The following ZNF654 variants were observed in gnomAD, a reference collection of about 807,000 sequenced individuals.
ZNF654 encodes melanoma-associated antigen.
In ZNF654, 19 loss-of-function variants were observed where a neutral mutation model predicts 95.3. The ratio of observed to expected loss-of-function variants is 0.20; its 90% CI spans 0.14 to 0.29. The LOEUF (loss-of-function observed/expected upper bound fraction) is 0.29, where lower values mean the gene tolerates loss of function less well. Ranked by LOEUF, ZNF654 falls within the 10% of genes least tolerant of loss-of-function variation. The probability of loss-of-function intolerance (pLI) is 1.00; values close to 1 mark genes in which losing one functional copy is unlikely to be tolerated. For missense variants in ZNF654, 1,046 were observed against 1,341.0 expected (o/e 0.78, Z 3.44); for synonymous variants, 413 against 457.9 (o/e 0.90, Z 1.25).
chr3:88,067,886 CT>C (rs76481798), intron 1 of ZNF654, among the ~76,000 whole-genome samples: 376 of 139,178 alleles, frequency 2.7e-3, no homozygotes, highest in Middle Eastern at 3.8e-3. Flanking sequence ...TCTTTTCTTT[CT>C]TTTTTTTTTT....
intron 2 of ZNF654, among the ~76,000 whole-genome samples, chr3:88,105,199 C>T (rs1453075512): frequency 1.3e-5 from 2 of 152,074 alleles, no homozygotes; most frequent in Admixed American, 6.6e-5. Context: ...GACAGGAATT[C>T]GGTTGATAGA....
chr3:88,092,249 AC>A (rs1703786136), intron 2 of ZNF654, among the ~76,000 whole-genome samples: 1 of 152,192 alleles, frequency 6.6e-6, no homozygotes. Flanking sequence ...TCTAACAATT[AC>A]TGCATAATTA....
intron 6 of ZNF654, among the ~76,000 whole-genome samples, chr3:88,133,224 T>G (rs1706570232): frequency 6.6e-6 from 1 of 152,104 alleles, no homozygotes; most frequent in Non-Finnish European, 1.5e-5. Context: ...GTTTTCTACC[T>G]TTGTGTTTTA....
intron 3 of ZNF654, among the ~76,000 whole-genome samples, chr3:88,117,953 AAAAAC>A (rs1705513269): frequency 6.6e-6 from 1 of 152,096 alleles, no homozygotes; most frequent in East Asian, 1.9e-4. Flanking sequence ...ATTAAAAAAA[AAAAAC>A]AACCAAGAAC....
At chr3:88,084,775 C>T (rs925004058) in intron 1 of ZNF654, among the ~76,000 whole-genome samples, 1 of 152,146 alleles carries the variant, frequency 6.6e-6, no homozygotes, top group Admixed American at 6.5e-5. Flanking sequence ...CAGCAAGCAG[C>T]GTGAGTTTCG....
intron 2 of ZNF654, among the ~76,000 whole-genome samples, chr3:88,097,714 A>G (rs1704147018): frequency 6.6e-6 from 1 of 152,210 alleles, no homozygotes; most frequent in Admixed American, 6.5e-5. Flanking sequence ...GAACTGAACA[A>G]CCGGCTCCTG....
chr3:88,110,250 A>G (rs1705007053), intron 2 of ZNF654, among the ~76,000 whole-genome samples: 2 of 152,248 alleles, frequency 1.3e-5, no homozygotes, highest in South Asian at 2.1e-4. Context: ...TAAGTAGTGG[A>G]GCTGAGATTC....
chr3:88,069,647 T>G (rs550972258), intron 1 of ZNF654, among the ~76,000 whole-genome samples: 4 of 152,336 alleles, frequency 2.6e-5, no homozygotes, highest in African/African-American at 9.6e-5. Flanking sequence ...TTCTGCTACT[T>G]AGATGGAGAG....
At position 88,096,063 on chromosome 3, in the gene ZNF654, C is replaced by T. The variant is rs73844869; in HGVS notation, c.332+9661C>T. ...TCTGGGCTATCAGTAGTGGCCTCCC[C>T]TCCTGGGTCTAGGGCTTGGCAGACT... On this transcript the variant is annotated intron_variant, in intron 2 of 8. Coordinates refer to ENST00000636215, the MANE Select transcript of ZNF654 (RefSeq NM_001350134.2). The T allele has an allele frequency of 2.6e-3, 462 of 180,988 alleles. 3 individuals carry two copies. Among genetic ancestry groups the T allele is most frequent in the African/African-American group, 0.011 (443 of 41,648 alleles). The allele number at this position is 180,988 out of a possible 1,614,324, so 11.2% of individuals were successfully genotyped here. A position where few individuals can be genotyped will look rare whatever the true frequency, so the allele number is the denominator to read the frequency against.
At chr3:88,099,261 A>C (rs1216041855) in intron 2 of ZNF654, among the ~76,000 whole-genome samples, 1 of 152,224 alleles carries the variant, frequency 6.6e-6, no homozygotes, top group Non-Finnish European at 1.5e-5. Context: ...ATACCTAGGA[A>C]TCCAACTTAC....
At chr3:88,130,630 T>TTC (rs1013564129) in intron 6 of ZNF654, among the ~76,000 whole-genome samples, 16 of 150,496 alleles carry the variant, frequency 1.1e-4, no homozygotes, top group African/African-American at 3.2e-4. Flanking sequence ...TTTTTTTTTT[T>TTC]TTTTTGGTAG....
intron 3 of ZNF654, among the ~76,000 whole-genome samples, chr3:88,120,042 A>C (rs1705674540): frequency 6.7e-6 from 1 of 149,898 alleles, no homozygotes; most frequent in Non-Finnish European, 1.5e-5. Flanking sequence ...GATATCCTTA[A>C]ATAGCTCAAT....
intron 2 of ZNF654, among the ~76,000 whole-genome samples, chr3:88,092,110 A>G (rs1703777615): frequency 6.6e-6 from 1 of 152,242 alleles, no homozygotes; most frequent in Non-Finnish European, 1.5e-5. Context: ...TATTTACTTT[A>G]CAGAGAAGTT....
At chr3:88,099,952 A>G (rs898972940) in intron 2 of ZNF654, among the ~76,000 whole-genome samples, 1 of 152,240 alleles carries the variant, frequency 6.6e-6, no homozygotes, top group Non-Finnish European at 1.5e-5. Flanking sequence ...GGCAATGGCA[A>G]CAAAAGCCAA....
At chr3:88,134,118 T>TG (rs939921535) in intron 6 of ZNF654, among the ~76,000 whole-genome samples, 3 of 146,856 alleles carry the variant, frequency 2.0e-5, no homozygotes, top group African/African-American at 7.5e-5. Context: ...AAAAAAAAGG[T>TG]GGGGGGTAGT....
chr3:88,072,837 C>T (rs1707593252), intron 1 of ZNF654, among the ~76,000 whole-genome samples: 1 of 152,078 alleles, frequency 6.6e-6, no homozygotes, highest in Admixed American at 6.6e-5. Flanking sequence ...TAAATAAACC[C>T]TAAAATAGGG....
intron 2 of ZNF654, among the ~76,000 whole-genome samples, chr3:88,110,735 A>AC (rs1240733665): frequency 6.6e-6 from 1 of 152,138 alleles, no homozygotes; most frequent in Non-Finnish European, 1.5e-5. Flanking sequence ...GACTATTTAT[A>AC]CAGTCAATAG....
intron 2 of ZNF654, 145 bp downstream of exon 2, chr3:88,086,547 G>A (rs970000143): frequency 2.9e-5 from 21 of 729,924 alleles, no homozygotes; most frequent in Non-Finnish European, 3.8e-5. Flanking sequence ...AAGTATTCAG[G>A]TTTAATTTTG....
intron 8 of ZNF654, 79 bp downstream of exon 8, chr3:88,141,127 AT>A: frequency 1.1e-5 from 16 of 1,477,504 alleles, no homozygotes; most frequent in Non-Finnish European, 1.3e-5. Context: ...GATCTTTGAG[AT>A]TTAAAAAATT....
Sources: allele counts gnomAD v4.1 joint callset (sites outside exome capture counted in the v4.1 genomes callset), GRCh38; gene constraint gnomAD v4.1.1; transcripts MANE v1.5; gene names NCBI Gene and HGNC (gene_info 2026-07-23, HGNC 2026-07-21).